The following CELF2 variants were observed in gnomAD, a reference collection of about 807,000 sequenced individuals.
The protein encoded by CELF2 is CUGBP Elav-like family member 2, also known as CUG triplet repeat RNA-binding protein 2.
CELF2 carries 8 observed loss-of-function variants against 62.6 expected under a neutral mutation model. The ratio of observed to expected loss-of-function variants is 0.13; its 90% CI spans 0.07 to 0.23. The LOEUF is 0.23. CELF2 is among the 10% of genes least tolerant of loss of function. The pLI, the probability that CELF2 is intolerant of heterozygous loss-of-function variation, is 1.00. For missense variants in CELF2, 333 were observed against 671.0 expected, an observed-to-expected ratio of 0.50 and a Z score of 5.56; for synonymous variants, 258 against 250.0, an observed-to-expected ratio of 1.03 and a Z score of -0.30.
At chr10:11,151,865 T>G (rs187231475) in intron 1 of CELF2, among the ~76,000 whole-genome samples, 1 of 152,280 alleles carries the variant, frequency 6.6e-6, no homozygotes, top group East Asian at 1.9e-4. Flanking sequence ...CTGCCCTGAG[T>G]CTCACTCGGG....
chr10:11,301,499 CCACCCCG>C (rs2093743502), intron 9 of CELF2, among the ~76,000 whole-genome samples: 1 of 54,412 alleles, frequency 1.8e-5, no homozygotes, highest in African/African-American at 9.4e-5. Flanking sequence ...CCGCACCCCC[CCACCCCG>C]CTCCCACAGC....
chr10:10,889,951 TC>T (rs1033376427), intron 1 of CELF2, among the ~76,000 whole-genome samples: 1 of 151,982 alleles, frequency 6.6e-6, no homozygotes, highest in Admixed American at 6.6e-5. Flanking sequence ...ACTAGGAGAG[TC>T]CTATACTGAT....
At chr10:10,487,921 G>T in the CELF2 span, among the ~76,000 whole-genome samples, 1 of 151,910 alleles carries the variant, frequency 6.6e-6, no homozygotes, top group East Asian at 1.9e-4. Context: ...TGTTATTAGG[G>T]TTCTTTTGTT....
chr10:10,498,735 A>T, the CELF2 span, among the ~76,000 whole-genome samples: 1 of 152,208 alleles, frequency 6.6e-6, no homozygotes, highest in East Asian at 1.9e-4. Context: ...CATTAAATCC[A>T]CGGAAAATGA....
rs1043616336 is a variant in CELF2, at chr10:11,300,773, G to A, written c.976+12221G>A. Among the ~76,000 whole-genome samples, 13 of 152,128 alleles carry A rather than the reference G, an allele frequency of 8.5e-5. No individual in the cohort carries two copies. The highest frequency in any genetic ancestry group is 1.5e-4 in the Non-Finnish European group (10 of 68,030). ...CATCCAAGCTCGTTTGAGGCAAAAC[G>A]GCGACCGCGGGCTCCAGTGTCCTGA... On this transcript the variant is annotated intron_variant, in intron 9 of 12. Transcript: ENST00000633077. The surrounding 1 kb of genome is among the most constrained non-coding windows in gnomAD (Gnocchi z 5.5).
intron 1 of CELF2, among the ~76,000 whole-genome samples, chr10:10,916,381 A>T (rs542610462): frequency 6.6e-6 from 1 of 152,372 alleles, no homozygotes; most frequent in East Asian, 1.9e-4. Context: ...AATCATGGAC[A>T]TCAAGTAATA....
In CELF2 at chr10:10,889,728, G is replaced by T. The variant is rs189493386; in HGVS notation, c.54-30236G>T. Among the ~76,000 whole-genome samples the T allele has an allele frequency of 4.8e-4, 73 of 152,306 alleles. 1 individual carries two copies. The highest frequency in any genetic ancestry group is 1.7e-3 in the African/African-American group (71 of 41,566). On this transcript the variant is annotated intron_variant, in intron 1 of 13. Transcript: ENST00000636488. Reference sequence around the variant, plus strand: ...CTGCAAGCATATACCTGCTGGTCAAGAAAACATAAAAGTATCCTTCCTCCT... The same window carrying T: ...CTGCAAGCATATACCTGCTGGTCAATAAAACATAAAAGTATCCTTCCTCCT...
chr10:10,772,076 C>T, the CELF2 span, among the ~76,000 whole-genome samples: 1 of 151,896 alleles, frequency 6.6e-6, no homozygotes, highest in Non-Finnish European at 1.5e-5. Context: ...ATTACTGTGC[C>T]TATTGTACAG....
intron 2 of CELF2, among the ~76,000 whole-genome samples, chr10:10,991,929 A>G (rs564854513): frequency 3.0e-4 from 45 of 152,272 alleles, no homozygotes; most frequent in African/African-American, 1.1e-3. Context: ...TTTCTCTACT[A>G]TAGTTCTTCA....
At chr10:11,137,598 G>A (rs1595957566) in intron 1 of CELF2, among the ~76,000 whole-genome samples, 1 of 152,156 alleles carries the variant, frequency 6.6e-6, no homozygotes, top group African/African-American at 2.4e-5. Context: ...TAGATGTTAA[G>A]CACTTACCCA....
At chr10:10,523,558 A>G in the CELF2 span, among the ~76,000 whole-genome samples, 4 of 152,218 alleles carry the variant, frequency 2.6e-5, no homozygotes, top group Non-Finnish European at 5.9e-5. Flanking sequence ...AAGACCCCTT[A>G]GACTCTCACT....
At chr10:10,470,085 C>T in the CELF2 span, among the ~76,000 whole-genome samples, 1 of 151,806 alleles carries the variant, frequency 6.6e-6, no homozygotes, top group South Asian at 2.1e-4. Flanking sequence ...AGGAATAATG[C>T]AAACATTGTA....
the CELF2 span, among the ~76,000 whole-genome samples, chr10:10,500,247 A>T: frequency 1.3e-5 from 2 of 152,172 alleles, no homozygotes; most frequent in Admixed American, 1.3e-4. Context: ...TTGTAGATTC[A>T]CATATAGTTA....
At chr10:10,991,107 A>G (rs1193579332) in intron 2 of CELF2, among the ~76,000 whole-genome samples, 1 of 152,146 alleles carries the variant, frequency 6.6e-6, no homozygotes, top group Non-Finnish European at 1.5e-5. Context: ...TTTTGAATGC[A>G]TAAAACAGCG....
At chr10:10,770,018 G>C in the CELF2 span, among the ~76,000 whole-genome samples, 1 of 152,070 alleles carries the variant, frequency 6.6e-6, no homozygotes, top group African/African-American at 2.4e-5. Context: ...ATAGCTTAGA[G>C]ATATTGTAAG....
chr10:10,738,915 A>C, the CELF2 span, among the ~76,000 whole-genome samples: 1 of 152,208 alleles, frequency 6.6e-6, no homozygotes, highest in Non-Finnish European at 1.5e-5. Context: ...CTAATTGTAA[A>C]AAATATTCCA....
At chr10:10,956,892 C>T (rs1162640509) in intron 2 of CELF2, among the ~76,000 whole-genome samples, 1 of 151,644 alleles carries the variant, frequency 6.6e-6, no homozygotes, top group East Asian at 1.9e-4. Flanking sequence ...TATGATTGCA[C>T]CACAGCACTC....
rs368021015 is a variant in CELF2, at chr10:10,898,189, C to T, written c.54-21775C>T. 7.9e-5 allele frequency among the ~76,000 whole-genome samples: 12 copies of T among 152,306 alleles called. No homozygotes were observed. In the East Asian group the frequency reaches 2.1e-3, roughly 27 times the overall value. On this transcript the variant is annotated intron_variant, in intron 1 of 13. Coordinates refer to the CELF2 transcript ENST00000636488. ...ATTTTGGAAGCAGATAACTTGTTTTCTAGTATCACAGGTCCACAGACGGAC... is the reference window on the plus strand; with the variant it reads ...ATTTTGGAAGCAGATAACTTGTTTTTTAGTATCACAGGTCCACAGACGGAC...
At chr10:10,856,691 T>C (rs1205292838) in intron 1 of CELF2, among the ~76,000 whole-genome samples, 1 of 152,224 alleles carries the variant, frequency 6.6e-6, no homozygotes, top group Non-Finnish European at 1.5e-5. Context: ...CGTGCACTCA[T>C]TTACATCCCT....
Sources: gnomAD v4.1 joint callset for allele counts (sites outside exome capture counted in the v4.1 genomes callset) on GRCh38, gnomAD v4.1.1 for gene constraint, Gnocchi (gnomAD v3.1) non-coding constraint, MANE v1.5 for transcripts, NCBI Gene and HGNC (gene_info 2026-07-23, HGNC 2026-07-21) for gene names.